The following CCKAR variants were observed in gnomAD, a reference collection of about 807,000 sequenced individuals.
The protein encoded by CCKAR is cholecystokinin A receptor.
A neutral mutation model predicts 29.8 loss-of-function variants in CCKAR; 21 were observed. The ratio of observed to expected loss-of-function variants is 0.70; its 90% CI spans 0.50 to 1.01. The LOEUF (loss-of-function observed/expected upper bound fraction) is 1.01. Ranked by LOEUF, CCKAR falls within the 50% of genes least tolerant of loss-of-function variation. CCKAR has a pLI of 0.00. For missense variants in CCKAR, 570 were observed against 560.6 expected, an observed-to-expected ratio of 1.02 and a Z score of -0.17; for synonymous variants, 238 against 221.3, an observed-to-expected ratio of 1.08 and a Z score of -0.67.
intron 2 of CCKAR, 135 bp from the exon 3 acceptor site, chr4:26,486,033 A>AT: frequency 5.5e-6 from 4 of 731,048 alleles, no homozygotes; most frequent in Non-Finnish European, 8.7e-6. Context: ...AATATTGTGT[A>AT]TGTATATTTT....
rs1737382784 is a variant in CCKAR at position 26,483,028 on chromosome 4, G to T, written c.754+128C>A. ...GCCCGTGACTGTGCTTCTTGACACA[G>T]AATCTCATAAGAATACTTAAAAGCT... On this transcript the variant is annotated intron_variant, in intron 4 of 4. Transcript: ENST00000295589. The T allele has an allele frequency of 4.5e-6, 4 of 881,038 alleles. No homozygotes were observed. The Admixed American group carries it at 7.7e-5, about 17-fold the overall frequency. 54.6% of individuals were successfully genotyped at this position (881,038 alleles called of 1,614,324 possible).
rs2109877463 is a variant in CCKAR at position 26,482,022 on chromosome 4, G to A, written c.903C>T (p.Ser301=). The change falls in exon 5 of 5, where the codon TCC becomes TCT. Residue 301 remains serine (S), a synonymous_variant. Coordinates refer to ENST00000295589, the MANE Select transcript of CCKAR (RefSeq NM_000730.3). ...TTTTCTTGGCCATCAGGTTGGCTGCGGAGCTGTTACTCCGGATGCGGTTGG... is the reference window on the plus strand; with the variant it reads ...TTTTCTTGGCCATCAGGTTGGCTGCAGAGCTGTTACTCCGGATGCGGTTGG... ...SRANRIRSNS[S]AANLMAKKRV... is the part of the protein sequence containing the mutation. The A allele has an allele frequency of 6.2e-7, 1 of 1,614,234 alleles. No homozygotes were observed. Among genetic ancestry groups the A allele is most frequent in the Non-Finnish European group, 8.5e-7 (1 of 1,180,036 alleles).
At position 26,483,314 on chromosome 4, in the gene CCKAR, G is replaced by A. The variant is rs745901045; in HGVS notation, c.627-31C>T. On this transcript the variant is annotated intron_variant, in intron 3 of 4. Coordinates refer to ENST00000295589, the MANE Select transcript of CCKAR (RefSeq NM_000730.3). ...GAAATCAAAAGAAATCCAATAACCA[G>A]CAACTTTAGACCTTCAAACTCAAAT... 2.4e-5 allele frequency: 38 copies of A among 1,608,818 alleles called. No homozygotes were observed. The East Asian group carries it at 3.3e-4, about 14-fold the overall frequency.
chr4:26,482,765 C>T (rs148199834), intron 4 of CCKAR, among the ~76,000 whole-genome samples: 256 of 152,218 alleles, frequency 1.7e-3, no homozygotes, highest in African/African-American at 5.4e-3. Flanking sequence ...AACAAAAAGC[C>T]GGCTGTGGGT....
At position 26,482,097 on chromosome 4, in the gene CCKAR, G is replaced by A. The variant is rs1167712578; in HGVS notation, c.828C>T (p.Pro276=). 6.2e-7 allele frequency: 1 copy of A among 1,614,070 alleles called. No homozygotes were observed. The highest frequency in any genetic ancestry group is 8.5e-7 in the Non-Finnish European group (1 of 1,180,052). Residue 276 remains proline, a synonymous_variant, in exon 5 of 5, where the codon CCC becomes CCT. Coordinates refer to ENST00000295589, the MANE Select transcript of CCKAR (RefSeq NM_000730.3). ...SDGCYLQKTR[P]PRKLELRQLS... ...GCTGCCGGAGCTCCAGCTTCCTCGGGGGCCTGGTCTTTTGCAGGTAACACC... is the reference window on the plus strand; with the variant it reads ...GCTGCCGGAGCTCCAGCTTCCTCGGAGGCCTGGTCTTTTGCAGGTAACACC...
chr4:26,487,259 C>T (rs547806795), intron 2 of CCKAR, among the ~76,000 whole-genome samples: 1 of 152,172 alleles, frequency 6.6e-6, no homozygotes, highest in East Asian at 1.9e-4. Context: ...AAACTATATC[C>T]AAAAATGTCA....
chr4:26,487,919 C>CTT (rs35131979), intron 2 of CCKAR, among the ~76,000 whole-genome samples: 114 of 129,830 alleles, frequency 8.8e-4, no homozygotes, highest in African/African-American at 3.1e-3. Flanking sequence ...TAAGTTTTGT[C>CTT]TTTTTTTTTT....
At chr4:26,488,754 A>C (rs1006102141) in intron 2 of CCKAR, among the ~76,000 whole-genome samples, 2 of 152,116 alleles carry the variant, frequency 1.3e-5, no homozygotes, top group Non-Finnish European at 2.9e-5. Flanking sequence ...ACTGGTTTTC[A>C]AATAGCCCCT....
Position 26,482,052 on chromosome 4 carries a change from G to A in CCKAR, c.873C>T (p.Ser291=), listed in dbSNP as rs752474486. ...TGTTACTCCGGATGCGGTTGGCCCTGCTGCTGCTGCCGGTGGACAGCTGCC... is the reference window on the plus strand; with the variant it reads ...TGTTACTCCGGATGCGGTTGGCCCTACTGCTGCTGCCGGTGGACAGCTGCC... ...ELRQLSTGSS[S]RANRIRSNSS... The change falls in exon 5 of 5, where the codon AGC becomes AGT. Residue 291 remains serine, a synonymous_variant. Transcript: ENST00000295589. 1.2e-6 allele frequency: 2 copies of A among 1,613,626 alleles called. No individual in the cohort carries two copies. Among genetic ancestry groups the A allele is most frequent in the Non-Finnish European group, 8.5e-7 (1 of 1,179,792 alleles).
At chr4:26,484,467 G>A (rs1258646190) in intron 3 of CCKAR, among the ~76,000 whole-genome samples, 9 of 152,072 alleles carry the variant, frequency 5.9e-5, no homozygotes. Flanking sequence ...TTTTTATAAT[G>A]ACATTTTTAT....
intron 4 of CCKAR, 40 bp downstream of exon 4, chr4:26,483,116 G>C (rs753350016): frequency 6.3e-7 from 1 of 1,598,384 alleles, no homozygotes; most frequent in East Asian, 2.2e-5. Flanking sequence ...ACAAGCTTTT[G>C]TGCTCATTTG....
In CCKAR at chr4:26,485,573, G is replaced by A; in HGVS notation, c.626+64C>T. ...CAACCACTCTGGGCAAGGCATCTCA[G>A]TTTTTCATGATATTGCAAAATTACA... On this transcript the variant is annotated intron_variant, in intron 3 of 4. Coordinates refer to ENST00000295589, the MANE Select transcript of CCKAR (RefSeq NM_000730.3). 3 of 1,579,958 alleles carry A rather than the reference G, an allele frequency of 1.9e-6. No homozygotes were observed. The South Asian group carries it at 3.4e-5, about 18-fold the overall frequency.
chr4:26,489,217 AC>A lies in CCKAR; in HGVS notation c.364+15del, dbSNP rs1303829416. On this transcript the variant is annotated intron_variant, in intron 2 of 4. Coordinates refer to ENST00000295589, the MANE Select transcript of CCKAR (RefSeq NM_000730.3). ...TCTGGGGCAAGCTCCAGAAAGAGTC[AC>A]CAGCAGCAACTTACCCATGAAGTAG... 23 of 1,613,490 alleles carry A rather than the reference AC, an allele frequency of 1.4e-5. No homozygotes were observed. Among genetic ancestry groups the A allele is most frequent in the Non-Finnish European group, 1.9e-5 (23 of 1,179,638 alleles).
intron 2 of CCKAR, among the ~76,000 whole-genome samples, chr4:26,486,470 G>A (rs1044570991): frequency 3.9e-5 from 6 of 152,156 alleles, no homozygotes; most frequent in African/African-American, 1.4e-4. Context: ...TAAAAAAGAC[G>A]AGGGAAAATG....
intron 3 of CCKAR, among the ~76,000 whole-genome samples, chr4:26,484,480 A>G (rs1165037582): frequency 6.6e-6 from 1 of 152,206 alleles, no homozygotes; most frequent in Non-Finnish European, 1.5e-5. Flanking sequence ...ATTTTTATGA[A>G]CATACTCTCC....
At position 26,482,157 on chromosome 4, in the gene CCKAR, G is replaced by A. The variant is rs115070386; in HGVS notation, c.768C>T (p.Ser256=). 49 of 1,609,300 alleles carry A rather than the reference G, an allele frequency of 3.0e-5. No homozygotes were observed. Among genetic ancestry groups the A allele is most frequent in the Non-Finnish European group, 3.8e-5 (45 of 1,176,590 alleles). ...QKKSAKERKP[S]TTSSGKYEDS... ...CCTCATATTTGCCGCTGCTGGTGGT[G>A]CTAGGTTTCCTTTCTGGGTGGGCAA... is the stretch of plus-strand genomic sequence containing the variant. Residue 256 remains serine, a synonymous_variant, in exon 5 of 5, where the codon AGC becomes AGT. Transcript: ENST00000295589.
At chr4:26,482,733 G>A (rs1737375014) in intron 4 of CCKAR, among the ~76,000 whole-genome samples, 1 of 152,172 alleles carries the variant, frequency 6.6e-6, no homozygotes, top group Admixed American at 6.5e-5. Context: ...AAAATAAAAA[G>A]GAGAGAGGAT....
rs150152252 is a variant in CCKAR, at chr4:26,485,717, C to G, written c.546G>C (p.Leu182Phe). ...IMTPYPIYSN[L>F]VPFTKNNNQT... is the part of the protein sequence containing the mutation. The stretch of plus-strand genomic sequence containing the variant: ...GGTTGTTATTTTTGGTAAAAGGCAC[C>G]AAGTTGCTATAAATGGGGTACGGAG... The change falls in exon 3 of 5, where the codon TTG becomes TTC. Residue 182 changes from leucine (L) to phenylalanine (F), a missense_variant. Physicochemically the swap from Leu to Phe is conservative, Grantham distance 22. Coordinates refer to ENST00000295589, the MANE Select transcript of CCKAR (RefSeq NM_000730.3). 2 of 1,614,082 alleles carry G rather than the reference C, an allele frequency of 1.2e-6. No individual in the cohort carries two copies. Among genetic ancestry groups the G allele is most frequent in the South Asian group, 2.2e-5 (2 of 91,066 alleles).
In CCKAR at chr4:26,485,968, A is replaced by G. The variant is rs962332142; in HGVS notation, c.365-70T>C. 1.7e-5 allele frequency: 24 copies of G among 1,392,304 alleles called. No individual in the cohort carries two copies. The African/African-American group carries it at 3.2e-4, about 18-fold the overall frequency. 86.2% of individuals were successfully genotyped at this position (1,392,304 alleles called of 1,614,324 possible). A position where few individuals can be genotyped will look rare whatever the true frequency, so the allele number is the denominator to read the frequency against. On this transcript the variant is annotated intron_variant, in intron 2 of 4. Coordinates refer to ENST00000295589, the MANE Select transcript of CCKAR (RefSeq NM_000730.3). Reference sequence around the variant, plus strand: ...AAAGTTTATTTGCACATTAGCTTGAATATATCTGATCTGCACAGGTTTGAT... The same window carrying G: ...AAAGTTTATTTGCACATTAGCTTGAGTATATCTGATCTGCACAGGTTTGAT...
Sources: gnomAD v4.1 joint callset for allele counts (sites outside exome capture counted in the v4.1 genomes callset) on GRCh38, gnomAD v4.1.1 for gene constraint, MANE v1.5 for transcripts, NCBI Gene and HGNC (gene_info 2026-07-23, HGNC 2026-07-21) for gene names.